Variants in DOCK11 observed in about 807,000 individuals in gnomAD.
DOCK11 encodes the protein dedicator of cytokinesis protein 11.
In DOCK11, 70 loss-of-function variants were observed where a neutral mutation model predicts 169.1. The ratio of observed to expected loss-of-function variants is 0.41; its 90% confidence interval spans 0.34 to 0.51. The LOEUF (loss-of-function observed/expected upper bound fraction) is 0.51, where lower values mean the gene tolerates loss of function less well. DOCK11 is among the 20% of genes least tolerant of loss of function. The pLI, the probability that DOCK11 is intolerant of heterozygous loss-of-function variation, is 0.10. For synonymous variants in DOCK11, 529 were observed against 541.3 expected, an observed-to-expected ratio of 0.98 and a Z score of 0.32; for missense variants, 1,166 against 1,538.8, an observed-to-expected ratio of 0.76 and a Z score of 4.05.
In DOCK11 at chrX:118,542,706, A is replaced by G; in HGVS notation, c.103-19A>G. 1 of 1,101,433 alleles carries G rather than the reference A, an allele frequency of 9.1e-7. No individual in the cohort carries two copies. Among genetic ancestry groups the G allele is most frequent in the East Asian group, 3.0e-5 (1 of 33,415 alleles). 90.8% of individuals were successfully genotyped at this position (1,101,433 alleles called of 1,213,427 possible). A position where few individuals can be genotyped will look rare whatever the true frequency, so the allele number is the denominator to read the frequency against. The stretch of plus-strand genomic sequence containing the variant: ...TTGTGAGTTTGATCATAATAACTTT[A>G]CTTTTGTCTCTTATAAAGGAAAAGG... On this transcript the variant is annotated intron_variant, in intron 1 of 52. Transcript: ENST00000276202.
intron 10 of DOCK11, 62 bp from the exon 11 acceptor site, chrX:118,572,261 T>G: frequency 9.9e-7 from 1 of 1,006,257 alleles, no homozygotes. Context: ...TTTTGTATAT[T>G]GATGTAAATC....
At chrX:118,562,477 G>A (rs958756983) in intron 7 of DOCK11, among the ~76,000 whole-genome samples, 26 of 111,274 alleles carry the variant, frequency 2.3e-4, no homozygotes, top group Non-Finnish European at 3.8e-4. Flanking sequence ...TATAGTTTGG[G>A]TCAATCATTT....
chrX:118,497,962 C>G (rs763229300), intron 1 of DOCK11, among the ~76,000 whole-genome samples: 1 of 112,609 alleles, frequency 8.9e-6, no homozygotes, highest in Admixed American at 9.4e-5. Flanking sequence ...TTCAGCGGCT[C>G]CTTCCTGACC....
At chrX:118,545,440 G>A in intron 5 of DOCK11, 48 bp downstream of exon 5, 1 of 927,477 alleles carries the variant, frequency 1.1e-6, no homozygotes, top group Non-Finnish European at 1.5e-6. Flanking sequence ...TTTCCTCACG[G>A]TCACTTTGCT....
At chrX:118,663,075 A>G (rs2016257655) in intron 45 of DOCK11, among the ~76,000 whole-genome samples, 1 of 112,153 alleles carries the variant, frequency 8.9e-6, no homozygotes, top group African/African-American at 3.2e-5. Flanking sequence ...TCCATAAAAA[A>G]TAGAGTTAAC....
intron 1 of DOCK11, among the ~76,000 whole-genome samples, chrX:118,514,029 T>G (rs972307794): frequency 9.0e-6 from 1 of 111,590 alleles, no homozygotes; most frequent in African/African-American, 3.3e-5. Flanking sequence ...CCCACGTCAA[T>G]GGTGGGAACA....
At chrX:118,676,919 C>T (rs192386388) in intron 48 of DOCK11, among the ~76,000 whole-genome samples, 182 bp downstream of exon 48, 15 of 111,624 alleles carry the variant, frequency 1.3e-4, no homozygotes, top group Admixed American at 1.2e-3. Flanking sequence ...CTCTCTGCCA[C>T]TCACTAGCTG....
At chrX:118,625,335 T>G (rs757269247) in intron 32 of DOCK11, among the ~76,000 whole-genome samples, 4 of 110,393 alleles carry the variant, frequency 3.6e-5, no homozygotes, top group Non-Finnish European at 7.6e-5. Context: ...TTTTGTATAT[T>G]TAGTAGAGAC....
chrX:118,546,210 CAAA>C (rs1556269491), intron 6 of DOCK11, 94 bp downstream of exon 6: 3,941 of 48,610 alleles, frequency 0.081, 285 homozygotes, highest in African/African-American at 0.31. Flanking sequence ...AGAGCCCTAG[CAAA>C]AAAAAAAAAA....
intron 44 of DOCK11, among the ~76,000 whole-genome samples, chrX:118,659,595 G>A (rs750960263): frequency 8.9e-6 from 1 of 112,038 alleles, no homozygotes; most frequent in East Asian, 2.8e-4. Context: ...CAAAAAGGGG[G>A]AGGAATATAG....
At chrX:118,549,334 G>A in intron 6 of DOCK11, among the ~76,000 whole-genome samples, 1 of 107,595 alleles carries the variant, frequency 9.3e-6, no homozygotes, top group South Asian at 4.0e-4. Flanking sequence ...TATTAGAGAC[G>A]GGGTCTCACC....
intron 12 of DOCK11, among the ~76,000 whole-genome samples, chrX:118,574,994 A>T (rs2013400379): frequency 8.9e-6 from 1 of 112,246 alleles, no homozygotes; most frequent in Non-Finnish European, 1.9e-5. Context: ...CATAGAATTA[A>T]AAGTAGAAAG....
intron 6 of DOCK11, among the ~76,000 whole-genome samples, chrX:118,548,298 C>G (rs1416935832): frequency 8.9e-6 from 1 of 112,328 alleles, no homozygotes; most frequent in Non-Finnish European, 1.9e-5. Flanking sequence ...TTTACATTTT[C>G]TCTCATAATT....
At chrX:118,644,273 A>G (rs771896369) in intron 40 of DOCK11, among the ~76,000 whole-genome samples, 2 of 112,470 alleles carry the variant, frequency 1.8e-5, no homozygotes, top group South Asian at 7.4e-4. Context: ...TGTAACTACA[A>G]TAAGACAAAG....
chrX:118,619,480 CA>C (rs1162244580), intron 31 of DOCK11, among the ~76,000 whole-genome samples: 9,472 of 51,181 alleles, frequency 0.19, 485 homozygotes, highest in East Asian at 0.32. Context: ...AACTCTGTCT[CA>C]AAAAAAAAAA....
chrX:118,600,268 G>C (rs917066763), intron 23 of DOCK11, among the ~76,000 whole-genome samples: 1 of 110,659 alleles, frequency 9.0e-6, no homozygotes, highest in African/African-American at 3.3e-5. Flanking sequence ...TCAGCCAGAC[G>C]TGGTGGCATA....
At position 118,593,274 on chromosome X, in the gene DOCK11, C is replaced by T; in HGVS notation, c.2200C>T (p.His734Tyr). The T allele has an allele frequency of 1.7e-6, 2 of 1,205,410 alleles. No homozygotes were observed. The highest frequency in any genetic ancestry group is 2.2e-6 in the Non-Finnish European group (2 of 892,344). ...ACATCATTTGCTTTTCACTTTTTAT[C>T]ATGTAAGTTGTGAAATTAACACAAA... Reference protein sequence around the residue: ...QKHHLLFTFYHVSCEINTKGT... With the variant: ...QKHHLLFTFYYVSCEINTKGT... Residue 734 changes from histidine (H) to tyrosine (Y), a missense_variant, in exon 20 of 53, where the codon CAT becomes TAT. Transcript: ENST00000276202.
rs141049675 is a variant in DOCK11 at position 118,580,170 on chromosome X, G to C, written c.1586G>C (p.Trp529Ser). Residue 529 changes from tryptophan (W) to serine (S), a missense_variant, in exon 14 of 53, where the codon TGG becomes TCG. By Grantham distance (177) the Trp-to-Ser change is radical. Transcript: ENST00000276202. ...RLGQYRMPFA[W>S]AARPIFKDTQ... Reference sequence around the variant, plus strand: ...GGACAATACAGAATGCCCTTCGCTTGGGCTGCCAGGTTTGTACAAATATAA... The same window carrying C: ...GGACAATACAGAATGCCCTTCGCTTCGGCTGCCAGGTTTGTACAAATATAA... 1.5e-5 allele frequency: 18 copies of C among 1,203,686 alleles called. No individual in the cohort carries two copies. The highest frequency in any genetic ancestry group is 1.9e-5 in the Non-Finnish European group (17 of 892,151).
chrX:118,635,656 C>T (rs1313056773), intron 35 of DOCK11, among the ~76,000 whole-genome samples: 2 of 111,712 alleles, frequency 1.8e-5, no homozygotes, highest in African/African-American at 3.3e-5. Context: ...GGCACGATCT[C>T]AGCTCACTGC....
Sources: allele counts gnomAD v4.1 joint callset (sites outside exome capture counted in the v4.1 genomes callset), GRCh38; gene constraint gnomAD v4.1.1; transcripts MANE v1.5; gene names NCBI Gene and HGNC (gene_info 2026-07-23, HGNC 2026-07-21).